RYR3: variants seen among roughly 807,000 people sequenced by gnomAD.
RYR3 encodes brain ryanodine receptor-calcium release channel.
RYR3 carries 207 observed loss-of-function variants against 584.3 expected under a neutral mutation model. The observed-to-expected ratio is 0.35, with a 90% CI of 0.32 to 0.40. The LOEUF (loss-of-function observed/expected upper bound fraction) is 0.40, where lower values mean the gene tolerates loss of function less well. Among genes scored for constraint, RYR3 ranks in the 10% least tolerant of loss-of-function variants. The pLI, the probability that RYR3 is intolerant of heterozygous loss-of-function variation, is 1.00. For synonymous variants in RYR3, 2,416 were observed against 2,248.5 expected, an observed-to-expected ratio of 1.07 and a Z score of -2.11; for missense variants, 5,616 against 6,089.2, an observed-to-expected ratio of 0.92 and a Z score of 2.59.
chr15:33,690,097 C>T (rs928895039), intron 38 of RYR3, among the ~76,000 whole-genome samples: 10 of 152,230 alleles, frequency 6.6e-5, no homozygotes, highest in Non-Finnish European at 1.5e-4. Context: ...CTATAGTTGA[C>T]AGCTCTGGTT....
intron 64 of RYR3, 122 bp downstream of exon 64, chr15:33,773,737 G>A: frequency 1.4e-6 from 1 of 703,182 alleles, no homozygotes; most frequent in East Asian, 2.7e-5. Context: ...ATACAGAATG[G>A]TGGTTTTGAG....
rs2078176038 is a variant in RYR3, at chr15:33,838,566, T to A, written c.12586T>A (p.Phe4196Ile). The change falls in exon 89 of 104, where the codon TTC (phenylalanine) becomes ATC (isoleucine). Residue 4196 changes from phenylalanine (F) to isoleucine (I), a missense_variant. By Grantham distance (21) the Phe-to-Ile change is conservative (BLOSUM62 0). Around this residue, in one of 9 missense-constraint regions of RYR3, gnomAD observed 918 missense variants for 887.4 expected, o/e 1.03. Transcript: ENST00000634891. ...SFFWMLFVGL[F>I]QLLFTILGGI... is the part of the protein sequence containing the mutation. Reference sequence around the variant, plus strand: ...TTTCTGGATGCTGTTCGTGGGGCTATTCCAGTTGCTCTTCACCATCCTGGG... The same window carrying A: ...TTTCTGGATGCTGTTCGTGGGGCTAATCCAGTTGCTCTTCACCATCCTGGG... 21 of 1,613,810 alleles carry A rather than the reference T, an allele frequency of 1.3e-5. No individual in the cohort carries two copies. Among genetic ancestry groups the A allele is most frequent in the Non-Finnish European group, 1.8e-5 (21 of 1,179,858 alleles).
chr15:33,465,904 C>A, intron 1 of RYR3: 1 of 445,970 alleles, frequency 2.2e-6, no homozygotes, highest in Non-Finnish European at 4.5e-6. Flanking sequence ...TTCATCTCTC[C>A]GTCTCTTCCC....
intron 12 of RYR3, 110 bp from the exon 13 acceptor site, chr15:33,579,866 A>G (rs2058503089): frequency 3.0e-6 from 2 of 677,080 alleles, no homozygotes; most frequent in African/African-American, 1.8e-5. Flanking sequence ...CGCCCAAGGA[A>G]GCAACTCATG....
chr15:33,788,716 T>C (rs1031772321), intron 67 of RYR3, among the ~76,000 whole-genome samples: 1 of 152,158 alleles, frequency 6.6e-6, no homozygotes, highest in African/African-American at 2.4e-5. Context: ...CAGAGGAAGT[T>C]GGTCAAATAA....
At chr15:33,810,083 G>T (rs535877787) in intron 70 of RYR3, among the ~76,000 whole-genome samples, 1 of 152,166 alleles carries the variant, frequency 6.6e-6, no homozygotes, top group Non-Finnish European at 1.5e-5. Flanking sequence ...ATTATTCTGT[G>T]CTGGATACTC....
chr15:33,699,704 A>G lies in RYR3; in HGVS notation c.6250A>G (p.Ile2084Val). ...VNVLGTEKSQ[I>V]AFPKMVASCC... ...TGACACTTTCTACTTCTCCCTACAG[A>G]TTGCATTTCCAAAGATGGTTGCTAG... The change falls in exon 41 of 104, where the codon ATT becomes GTT. Residue 2084 changes from isoleucine (I) to valine (V), a missense_variant and splice_region_variant. Ile to Val is a conservative substitution (Grantham distance 29). This residue lies in a region of RYR3 where 1,280 missense variants were observed against 1,426.2 expected (regional missense o/e 0.90). Coordinates refer to ENST00000634891, the MANE Select transcript of RYR3 (RefSeq NM_001036.6). 6.2e-7 allele frequency: 1 copy of G among 1,613,496 alleles called. No homozygotes were observed. The highest frequency in any genetic ancestry group is 8.5e-7 in the Non-Finnish European group (1 of 1,179,638).
chr15:33,518,912 A>G (rs1244986241), intron 3 of RYR3, among the ~76,000 whole-genome samples: 1 of 152,196 alleles, frequency 6.6e-6, no homozygotes, highest in Non-Finnish European at 1.5e-5. Flanking sequence ...ATGCAGAATG[A>G]ATGCTGAGGC....
intron 3 of RYR3, among the ~76,000 whole-genome samples, chr15:33,522,469 C>T (rs915406066): frequency 2.5e-4 from 38 of 152,274 alleles, no homozygotes; most frequent in African/African-American, 8.9e-4. Context: ...ATGGCTCAGG[C>T]ACCTCTGACT....
At chr15:33,733,469 A>G (rs2069137944) in intron 48 of RYR3, among the ~76,000 whole-genome samples, 1 of 152,208 alleles carries the variant, frequency 6.6e-6, no homozygotes, top group East Asian at 1.9e-4. Flanking sequence ...CCTTAAACCC[A>G]TATTACTAAG....
chr15:33,789,279 C>G (rs2074942907), intron 67 of RYR3, among the ~76,000 whole-genome samples: 1 of 151,976 alleles, frequency 6.6e-6, no homozygotes, highest in Admixed American at 6.6e-5. Flanking sequence ...AGATAACAAG[C>G]CCCTGGAGAT....
At chr15:33,787,311 C>G (rs1165942482) in intron 66 of RYR3, among the ~76,000 whole-genome samples, 2 of 152,196 alleles carry the variant, frequency 1.3e-5, no homozygotes, top group Non-Finnish European at 2.9e-5. Context: ...TTGGTGAATG[C>G]AGAGAGTGCC....
intron 2 of RYR3, among the ~76,000 whole-genome samples, chr15:33,500,149 C>T (rs576201785): frequency 9.2e-5 from 14 of 152,270 alleles, no homozygotes; most frequent in African/African-American, 3.4e-4. Context: ...TCAAGGGACC[C>T]ACAGTCTGGT....
intron 53 of RYR3, among the ~76,000 whole-genome samples, chr15:33,746,756 G>GAAAAGA (rs1277888634): frequency 6.7e-6 from 1 of 148,742 alleles, no homozygotes; most frequent in Non-Finnish European, 1.5e-5. Flanking sequence ...CCATCTCAAA[G>GAAAAGA]AAAAGAAAAA....
At chr15:33,676,537 C>G (rs1213897500) in intron 38 of RYR3, among the ~76,000 whole-genome samples, 3 of 152,190 alleles carry the variant, frequency 2.0e-5, no homozygotes, top group Non-Finnish European at 2.9e-5. Flanking sequence ...TTAAAGAGAG[C>G]ATTATAGTCG....
In RYR3 at chr15:33,862,311, C is replaced by G. The variant is rs532753031; in HGVS notation, c.14465+1133C>G. ...CACTGCAACCTCCACCTCCCAGGCT[C>G]AAGACATCCGCCTCAGCCTCCTGAG... On this transcript the variant is annotated intron_variant, in intron 102 of 103. Transcript: ENST00000634891. Among the ~76,000 whole-genome samples, 340 of 152,250 alleles carry G rather than the reference C, an allele frequency of 2.2e-3. 3 individuals are homozygous for G. Among genetic ancestry groups the G allele is most frequent in the African/African-American group, 8.0e-3 (333 of 41,544 alleles).
chr15:33,583,225 C>G (rs2152519159), intron 14 of RYR3, among the ~76,000 whole-genome samples: 1 of 152,290 alleles, frequency 6.6e-6, no homozygotes, highest in South Asian at 2.1e-4. Flanking sequence ...GACCATGACT[C>G]AAGAACCACT....
chr15:33,836,811 C>A, intron 87 of RYR3, 95 bp from the exon 88 acceptor site: 2 of 904,904 alleles, frequency 2.2e-6, no homozygotes, highest in Non-Finnish European at 3.5e-6. Flanking sequence ...ATGCAGCCTG[C>A]ACCTAACCTT....
chr15:33,375,128 G>C (rs1363701448), intron 1 of RYR3, among the ~76,000 whole-genome samples: 1 of 152,172 alleles, frequency 6.6e-6, no homozygotes, highest in Non-Finnish European at 1.5e-5. Flanking sequence ...CTCTAACTAA[G>C]GATAAATTGC....
Sources: gnomAD v4.1 joint callset for allele counts (sites outside exome capture counted in the v4.1 genomes callset) on GRCh38, gnomAD v4.1.1 for gene constraint, gnomAD v4.1.1 regional missense constraint, MANE v1.5 for transcripts, NCBI Gene and HGNC (gene_info 2026-07-23, HGNC 2026-07-21) for gene names.